ACOT12: variants seen among roughly 807,000 people sequenced by gnomAD.
ACOT12 encodes acyl-CoA thioesterase 12.
A neutral mutation model predicts 67.7 loss-of-function variants in ACOT12; 51 were observed. The observed-to-expected ratio is 0.75, with a 90% CI of 0.60 to 0.95. The LOEUF (loss-of-function observed/expected upper bound fraction) is 0.95. Among genes scored for constraint, ACOT12 ranks in the 40% least tolerant of loss-of-function variants. ACOT12 has a pLI of 0.00. For synonymous variants in ACOT12, 251 were observed against 244.6 expected, an observed-to-expected ratio of 1.03 and a Z score of -0.24; for missense variants, 734 against 708.1, an observed-to-expected ratio of 1.04 and a Z score of -0.41.
intron 3 of ACOT12, among the ~76,000 whole-genome samples, chr5:81,369,436 A>G (rs1411615457): frequency 6.6e-6 from 1 of 152,218 alleles, no homozygotes; most frequent in African/African-American, 2.4e-5. Flanking sequence ...ACGCTAAAGG[A>G]CATGTCCAGT....
At chr5:81,361,832 G>A (rs1410648040) in intron 4 of ACOT12, among the ~76,000 whole-genome samples, 1 of 152,198 alleles carries the variant, frequency 6.6e-6, no homozygotes, top group Non-Finnish European at 1.5e-5. Flanking sequence ...ACTAAGTCTG[G>A]TTAATCATTG....
At position 81,344,899 on chromosome 5, in the gene ACOT12, T is replaced by G. The variant is rs1272201530; in HGVS notation, c.916A>C (p.Ile306Leu). 2 of 1,614,104 alleles carry G rather than the reference T, an allele frequency of 1.2e-6. No individual in the cohort carries two copies. The highest frequency in any genetic ancestry group is 2.2e-5 in the South Asian group (2 of 91,072). The part of the protein sequence containing the change: ...NLITFPRIQP[I>L]SKDDFRRYRG... ...GTGTGATAATAACTGACCTTTGAAA[T>G]GGGTTGGATTCTGGGAAACGTGATG... The change falls in exon 8 of 15, where the codon ATT (isoleucine) becomes CTT (leucine). Residue 306 changes from isoleucine (I) to leucine (L), a missense_variant. By Grantham distance (5) the Ile-to-Leu change is conservative. Transcript: ENST00000307624.
the ACOT12 span, among the ~76,000 whole-genome samples, chr5:81,310,484 AAAAG>A: frequency 2.6e-5 from 4 of 152,212 alleles, no homozygotes; most frequent in Admixed American, 2.0e-4. Flanking sequence ...GGGGAAAAAA[AAAAG>A]AAAATTCAGC....
At chr5:81,332,718 C>T in intron 12 of ACOT12, 113 bp from the exon 13 acceptor site, 2 of 1,265,868 alleles carry the variant, frequency 1.6e-6, no homozygotes, top group Non-Finnish European at 2.2e-6. Context: ...CCCTTCAGCT[C>T]ACCTAATCAT....
intron 4 of ACOT12, among the ~76,000 whole-genome samples, chr5:81,362,993 C>A (rs1414120289): frequency 6.6e-6 from 1 of 152,178 alleles, no homozygotes; most frequent in African/African-American, 2.4e-5. Context: ...CACCTGTGGT[C>A]AGGAGCTTGA....
At chr5:81,314,574 G>A in the ACOT12 span, among the ~76,000 whole-genome samples, 3 of 152,276 alleles carry the variant, frequency 2.0e-5, no homozygotes, top group South Asian at 6.2e-4. Context: ...ATAGACGTTG[G>A]TTATTTTCTT....
chr5:81,322,523 A>G, the ACOT12 span, among the ~76,000 whole-genome samples: 4 of 151,738 alleles, frequency 2.6e-5, no homozygotes, highest in African/African-American at 7.3e-5. Context: ...GAAAAAGGGA[A>G]GTTGGCGTGG....
intron 6 of ACOT12, among the ~76,000 whole-genome samples, chr5:81,346,458 C>T (rs1475960726): frequency 6.6e-6 from 1 of 152,194 alleles, no homozygotes; most frequent in African/African-American, 2.4e-5. Context: ...TAAGTTTTTT[C>T]CCCTCACAGA....
chr5:81,329,359 C>G (rs1477424781), downstream of ACOT12, among the ~76,000 whole-genome samples: 3 of 152,206 alleles, frequency 2.0e-5, no homozygotes. Context: ...CATATCCACT[C>G]TTCTTACGTA....
Position 81,361,481 on chromosome 5 carries a change from G to A in ACOT12, c.361-1443C>T, listed in dbSNP as rs115230502. ...CTCCCAAAGCACTCAGATTATAAGT[G>A]TGAGCCACTGCACCCAGCCTGATTT... is the stretch of plus-strand genomic sequence containing the variant. On this transcript the variant is annotated intron_variant, in intron 4 of 14. Transcript: ENST00000307624. Among the ~76,000 whole-genome samples the A allele has an allele frequency of 3.2e-3, 481 of 152,142 alleles. 1 individual carries two copies. Among genetic ancestry groups the A allele is most frequent in the African/African-American group, 0.011 (460 of 41,502 alleles).
chr5:81,312,728 G>C, the ACOT12 span: 1 of 1,222,926 alleles, frequency 8.2e-7, no homozygotes, highest in East Asian at 2.3e-5. Context: ...CGCTTCACGA[G>C]TTAGAGTTGA....
rs778342690 is a variant in ACOT12, at chr5:81,343,897, A to G, written c.981-16T>C. 4.4e-6 allele frequency: 7 copies of G among 1,608,990 alleles called. No homozygotes were observed. The highest frequency in any genetic ancestry group is 3.4e-6 in the Non-Finnish European group (4 of 1,176,326). The stretch of plus-strand genomic sequence containing the variant: ...AACATATTTTCTGGAAAAAAAAATT[A>G]AAGTGTTAAATGACAGTTTTTTTCT... On this transcript the variant is annotated splice_polypyrimidine_tract_variant and intron_variant, in intron 9 of 14. Coordinates refer to ENST00000307624, the MANE Select transcript of ACOT12 (RefSeq NM_130767.3).
intron 3 of ACOT12, among the ~76,000 whole-genome samples, chr5:81,364,304 TATA>T (rs1293315942): frequency 1.3e-5 from 2 of 151,316 alleles, no homozygotes; most frequent in Admixed American, 6.6e-5. Flanking sequence ...CATACACATA[TATA>T]ATATCATATT....
rs190286420 is a variant in ACOT12, at chr5:81,363,919, C to T, written c.259-30G>A. 38 of 1,472,524 alleles carry T rather than the reference C, an allele frequency of 2.6e-5. No individual in the cohort carries two copies. The East Asian group carries it at 9.1e-4, about 35-fold the overall frequency. 91.2% of individuals were successfully genotyped at this position (1,472,524 alleles called of 1,614,324 possible). ...AATGAAAAAAAGATAAATAAATACA[C>T]TCTTGGCCAGTTCAGATTTCAGCAT... On this transcript the variant is annotated intron_variant, in intron 3 of 14. Transcript: ENST00000307624.
At chr5:81,383,651 G>C (rs1760649651) in intron 2 of ACOT12, among the ~76,000 whole-genome samples, 1 of 152,108 alleles carries the variant, frequency 6.6e-6, no homozygotes, top group Non-Finnish European at 1.5e-5. Flanking sequence ...AAGCAGAACA[G>C]TGATACTGGT....
At chr5:81,374,816 A>G (rs1760360403) in intron 2 of ACOT12, among the ~76,000 whole-genome samples, 1 of 152,202 alleles carries the variant, frequency 6.6e-6, no homozygotes, top group African/African-American at 2.4e-5. Context: ...AAACAAACAA[A>G]GCCTCCAAGA....
intron 1 of ACOT12, among the ~76,000 whole-genome samples, chr5:81,392,705 T>TCTCA (rs1760896297): frequency 6.6e-6 from 1 of 152,174 alleles, no homozygotes; most frequent in East Asian, 1.9e-4. Flanking sequence ...GGATTAATTT[T>TCTCA]GTATTCATGT....
intron 5 of ACOT12, among the ~76,000 whole-genome samples, chr5:81,356,750 G>A (rs573634202): frequency 5.3e-5 from 8 of 151,478 alleles, no homozygotes; most frequent in African/African-American, 1.7e-4. Flanking sequence ...ACAGCCAATC[G>A]GTGACCCTAT....
At chr5:81,371,669 G>C in intron 3 of ACOT12, 81 bp downstream of exon 3, 1 of 1,372,304 alleles carries the variant, frequency 7.3e-7, no homozygotes, top group Non-Finnish European at 1.0e-6. Flanking sequence ...CCAAATATTA[G>C]TCTAGGCCTC....
Sources: gnomAD v4.1 joint callset for allele counts (sites outside exome capture counted in the v4.1 genomes callset) on GRCh38, gnomAD v4.1.1 for gene constraint, MANE v1.5 for transcripts, NCBI Gene and HGNC (gene_info 2026-07-23, HGNC 2026-07-21) for gene names.